The following ZNF251 variants were observed in gnomAD, a reference collection of about 807,000 sequenced individuals.
ZNF251 encodes the protein zinc finger protein 251.
Under a neutral mutation model 13.5 loss-of-function variants are expected in ZNF251, and 14 were observed. The observed-to-expected ratio is 1.04, with a 90% CI of 0.69 to 1.63. The LOEUF (loss-of-function observed/expected upper bound fraction) is 1.63. Among genes scored for constraint, ZNF251 ranks in the 40% most tolerant of loss-of-function variants. ZNF251 has a pLI of 0.00. For synonymous variants in ZNF251, 287 were observed against 295.2 expected, an observed-to-expected ratio of 0.97 and a Z score of 0.28; for missense variants, 764 against 834.9, an observed-to-expected ratio of 0.92 and a Z score of 1.05.
intron 4 of ZNF251, among the ~76,000 whole-genome samples, chr8:144,744,406 T>A (rs896876981): frequency 4.6e-5 from 7 of 152,222 alleles, no homozygotes; most frequent in African/African-American, 1.7e-4. Context: ...CACCTCTTTT[T>A]TTCCTATATT....
intron 4 of ZNF251, among the ~76,000 whole-genome samples, chr8:144,739,447 T>C (rs1342974392): frequency 1.3e-5 from 2 of 152,184 alleles, no homozygotes; most frequent in Admixed American, 1.3e-4. Context: ...GTTGCCTCTG[T>C]CCAACTATGG....
rs760693253 is a variant in ZNF251, at chr8:144,754,754, T to C, written c.-26A>G. On this transcript the variant is annotated 5_prime_UTR_variant, in exon 2 of 5. Transcript: ENST00000292562. Reference sequence around the variant, plus strand: ...TCTGTGTGCATGGGCTGCTGTGGTTTCCAAGAGAAGACAGGAGACTGCCCT... The same window carrying C: ...TCTGTGTGCATGGGCTGCTGTGGTTCCCAAGAGAAGACAGGAGACTGCCCT... 2.5e-6 allele frequency: 4 copies of C among 1,610,748 alleles called. No homozygotes were observed. In the African/African-American group the frequency reaches 5.3e-5, roughly 22 times the overall value.
chr8:144,735,080 T>C (rs1395019793), intron 4 of ZNF251, among the ~76,000 whole-genome samples: 1 of 112,986 alleles, frequency 8.9e-6, no homozygotes, highest in Admixed American at 9.1e-5. Flanking sequence ...CTCAAAAAAA[T>C]AAAAAAAAAA....
intron 4 of ZNF251, among the ~76,000 whole-genome samples, chr8:144,724,706 G>A (rs966594744): frequency 2.6e-5 from 4 of 152,090 alleles, no homozygotes; most frequent in African/African-American, 7.2e-5. Flanking sequence ...TTTAAACCCA[G>A]TAAAAACTAT....
intron 1 of ZNF251, chr8:144,755,196 G>A (rs911865760): frequency 1.7e-6 from 2 of 1,169,336 alleles, no homozygotes; most frequent in East Asian, 7.1e-5. Context: ...AGGCTCCGGG[G>A]AGAGGCCGGA....
chr8:144,743,616 G>A (rs182989540), intron 4 of ZNF251, among the ~76,000 whole-genome samples: 15 of 152,344 alleles, frequency 9.8e-5, no homozygotes, highest in African/African-American at 3.4e-4. Flanking sequence ...GTAAAGGTAT[G>A]TTTAGTTTTG....
chr8:144,732,557 A>C (rs543130540), intron 4 of ZNF251, among the ~76,000 whole-genome samples: 20 of 152,210 alleles, frequency 1.3e-4, no homozygotes, highest in Non-Finnish European at 2.5e-4. Context: ...TCACGCCTGT[A>C]ATCCCAGCAC....
intron 4 of ZNF251, among the ~76,000 whole-genome samples, chr8:144,731,947 C>CTTTTTTTTTTTTTTTTTTTTTTTT (rs1563758169): frequency 7.3e-6 from 1 of 136,628 alleles, no homozygotes; most frequent in African/African-American, 3.1e-5. Flanking sequence ...CTGACAGCTG[C>CTTTTTTTTTTTTTTTTTTTTTTTT]ATTTTTTTTT....
chr8:144,737,376 G>C (rs1823941182), intron 4 of ZNF251, among the ~76,000 whole-genome samples: 1 of 152,146 alleles, frequency 6.6e-6, no homozygotes, highest in Non-Finnish European at 1.5e-5. Context: ...GGGATTACAG[G>C]CATGAGCCAC....
chr8:144,752,781 C>T (rs139483961), intron 4 of ZNF251, among the ~76,000 whole-genome samples: 32 of 151,934 alleles, frequency 2.1e-4, no homozygotes, highest in Admixed American at 8.5e-4. Flanking sequence ...AACAAAGCTG[C>T]GGATATGAGT....
intron 4 of ZNF251, among the ~76,000 whole-genome samples, chr8:144,731,177 T>C (rs768916789): frequency 5.9e-5 from 9 of 152,230 alleles, no homozygotes; most frequent in Non-Finnish European, 1.3e-4. Flanking sequence ...GGTCTAAGTC[T>C]GGCACAAACC....
intron 4 of ZNF251, among the ~76,000 whole-genome samples, chr8:144,748,581 A>C (rs1288561511): frequency 6.7e-6 from 1 of 149,068 alleles, no homozygotes; most frequent in Non-Finnish European, 1.5e-5. Flanking sequence ...TTTTCTTTGC[A>C]ATGGGGTCTT....
chr8:144,733,560 C>T (rs114983696), intron 4 of ZNF251, among the ~76,000 whole-genome samples: 3 of 152,282 alleles, frequency 2.0e-5, no homozygotes, highest in African/African-American at 4.8e-5. Flanking sequence ...CTTGACTGGA[C>T]GCAAAACCTG....
chr8:144,754,397 G>A, intron 2 of ZNF251, 76 bp from the exon 3 acceptor site: 1 of 1,485,116 alleles, frequency 6.7e-7, no homozygotes, highest in Non-Finnish European at 9.0e-7. Flanking sequence ...CTGACCTGGT[G>A]GGGCCCCACT....
chr8:144,754,112 G>C (rs952918544), intron 3 of ZNF251, 80 bp downstream of exon 3: 9 of 1,531,566 alleles, frequency 5.9e-6, no homozygotes, highest in African/African-American at 4.2e-5. Context: ...CCTCTTCTTT[G>C]GGATCCAAAG....
chr8:144,723,504 T>C, intron 4 of ZNF251, 122 bp from the exon 5 acceptor site: 1 of 630,534 alleles, frequency 1.6e-6, no homozygotes, highest in African/African-American at 1.9e-5. Flanking sequence ...TAGGAAAAGA[T>C]GTGAAAGGCA....
chr8:144,745,188 CTTTT>C (rs746070716), intron 4 of ZNF251, among the ~76,000 whole-genome samples: 4 of 114,598 alleles, frequency 3.5e-5, no homozygotes, highest in Admixed American at 1.8e-4. Flanking sequence ...TGTCTAGATT[CTTTT>C]TTTTTTTTTT....
intron 4 of ZNF251, among the ~76,000 whole-genome samples, chr8:144,741,241 CACA>C (rs1461632964): frequency 6.6e-6 from 1 of 152,226 alleles, no homozygotes; most frequent in Non-Finnish European, 1.5e-5. Flanking sequence ...CAGGCCAACA[CACA>C]AGCCTCAGAA....
rs1824836630 is a variant in ZNF251 at position 144,754,134 on chromosome 8, C to T, written c.163+58G>A. Reference sequence around the variant, plus strand: ...TTTGGGATCCAAAGAGCCAAAGCAGCCTCCCAAGCTCCTCAGAGGCCCCCA... The same window carrying T: ...TTTGGGATCCAAAGAGCCAAAGCAGTCTCCCAAGCTCCTCAGAGGCCCCCA... On this transcript the variant is annotated intron_variant, in intron 3 of 4. Transcript: ENST00000292562. The T allele has an allele frequency of 5.8e-6, 9 of 1,562,552 alleles. No homozygotes were observed. In the Admixed American group the frequency reaches 1.7e-4, roughly 30 times the overall value.
Sources: gnomAD v4.1 joint callset for allele counts (sites outside exome capture counted in the v4.1 genomes callset) on GRCh38, gnomAD v4.1.1 for gene constraint, MANE v1.5 for transcripts, NCBI Gene and HGNC (gene_info 2026-07-23, HGNC 2026-07-21) for gene names.